Variants in RPRD2 observed in about 807,000 individuals in gnomAD.
RPRD2 encodes the protein regulation of nuclear pre-mRNA domain-containing protein 2.
A neutral mutation model predicts 104.4 loss-of-function variants in RPRD2; 12 were observed. The ratio of observed to expected loss-of-function variants is 0.11; its 90% CI spans 0.07 to 0.19. The LOEUF (loss-of-function observed/expected upper bound fraction) is 0.19. RPRD2 is among the 10% of genes least tolerant of loss of function. The pLI is 1.00. For missense variants in RPRD2, 1,543 were observed against 1,790.1 expected, an observed-to-expected ratio of 0.86 and a Z score of 2.49; for synonymous variants, 714 against 684.9, an observed-to-expected ratio of 1.04 and a Z score of -0.66.
At chr1:150,383,833 C>T (rs1434172754) in intron 1 of RPRD2, among the ~76,000 whole-genome samples, 3 of 152,186 alleles carry the variant, frequency 2.0e-5, no homozygotes, top group Non-Finnish European at 4.4e-5. Context: ...CTTCTGTCCT[C>T]TTAGGCTTCT....
At chr1:150,364,987 TGG>T in intron 1 of RPRD2, 68 bp downstream of exon 1, 2 of 1,524,250 alleles carry the variant, frequency 1.3e-6, no homozygotes, top group Non-Finnish European at 1.8e-6. Context: ...CTGAAACGCT[TGG>T]GGTTTTCCCA....
At chr1:150,450,442 T>A (rs1424382726) in intron 7 of RPRD2, among the ~76,000 whole-genome samples, 2 of 150,784 alleles carry the variant, frequency 1.3e-5, no homozygotes, top group Non-Finnish European at 3.0e-5. Flanking sequence ...CCGTCTCTAC[T>A]AAAAATTAAA....
chr1:150,379,649 G>A (rs889767739), intron 1 of RPRD2, among the ~76,000 whole-genome samples: 7 of 152,144 alleles, frequency 4.6e-5, no homozygotes, highest in African/African-American at 9.7e-5. Context: ...TGATCTGCCC[G>A]CCTCGGCCTC....
chr1:150,448,464 C>T (rs1373509810), intron 7 of RPRD2, among the ~76,000 whole-genome samples: 3 of 152,162 alleles, frequency 2.0e-5, no homozygotes, highest in Non-Finnish European at 4.4e-5. Flanking sequence ...CCACCACACC[C>T]AGCCAACTAT....
At chr1:150,402,955 C>T (rs1247609478) in intron 1 of RPRD2, among the ~76,000 whole-genome samples, 5 of 145,742 alleles carry the variant, frequency 3.4e-5, no homozygotes, top group East Asian at 4.0e-4. Context: ...GTAACAAGAG[C>T]GAAACTCTGC....
At position 150,435,998 on chromosome 1, in the gene RPRD2, T is replaced by A. The variant is rs1037768313; in HGVS notation, c.336-4925T>A. On this transcript the variant is annotated intron_variant, in intron 2 of 10. Transcript: ENST00000369068. Reference sequence around the variant, plus strand: ...ACAATTCTGAAAATCCTAGGGCTGTTAAAAATTATGCTAAATCTATTCTGT... The same window carrying A: ...ACAATTCTGAAAATCCTAGGGCTGTAAAAAATTATGCTAAATCTATTCTGT... Among the ~76,000 whole-genome samples the A allele has an allele frequency of 2.6e-5, 4 of 152,302 alleles. No homozygotes were observed. The East Asian group carries it at 7.7e-4, about 29-fold the overall frequency.
At chr1:150,470,464 C>G (rs1668517552) in intron 10 of RPRD2, 97 bp from the exon 11 acceptor site, 1 of 1,282,082 alleles carries the variant, frequency 7.8e-7, no homozygotes, top group African/African-American at 1.5e-5. Flanking sequence ...TATCTGGTTC[C>G]CACCAAAATG....
At chr1:150,403,919 C>T (rs1318633825) in intron 1 of RPRD2, among the ~76,000 whole-genome samples, 4 of 152,206 alleles carry the variant, frequency 2.6e-5, no homozygotes, top group African/African-American at 9.6e-5. Flanking sequence ...CAGGCATGAG[C>T]CACTGCTGCA....
At chr1:150,442,126 T>TTA (rs1452524012) in intron 4 of RPRD2, among the ~76,000 whole-genome samples, 168 bp downstream of exon 4, 9 of 126,532 alleles carry the variant, frequency 7.1e-5, no homozygotes, top group African/African-American at 2.1e-4. Context: ...GAGATACTTC[T>TTA]AAAAAAAAAA....
chr1:150,465,183 C>T (rs1293011763), intron 10 of RPRD2, among the ~76,000 whole-genome samples: 1 of 151,796 alleles, frequency 6.6e-6, no homozygotes, highest in Non-Finnish European at 1.5e-5. Flanking sequence ...GAATTTCACT[C>T]TTGTCGCCCA....
chr1:150,407,323 A>G (rs1413124262), intron 1 of RPRD2, among the ~76,000 whole-genome samples: 10 of 152,242 alleles, frequency 6.6e-5, no homozygotes, highest in Non-Finnish European at 1.3e-4. Context: ...TTTAAAAAAT[A>G]CATTATTTAG....
intron 1 of RPRD2, among the ~76,000 whole-genome samples, chr1:150,391,359 G>T (rs1391838018): frequency 1.3e-5 from 2 of 151,982 alleles, no homozygotes; most frequent in East Asian, 3.9e-4. Context: ...CTCATGTGTT[G>T]CCCAGGCTTA....
intron 2 of RPRD2, among the ~76,000 whole-genome samples, chr1:150,433,904 G>T (rs1553892582): frequency 9.3e-6 from 1 of 107,830 alleles, no homozygotes; most frequent in Non-Finnish European, 2.1e-5. Context: ...ATGTACATAT[G>T]TATGTATATA....
At chr1:150,381,027 GC>G (rs782295886) in intron 1 of RPRD2, among the ~76,000 whole-genome samples, 5 of 151,972 alleles carry the variant, frequency 3.3e-5, no homozygotes, top group Admixed American at 6.6e-5. Flanking sequence ...GAGACACATG[GC>G]CCCCCTCACC....
intron 2 of RPRD2, among the ~76,000 whole-genome samples, chr1:150,428,894 G>A (rs1268951281): frequency 2.6e-5 from 4 of 151,988 alleles, no homozygotes; most frequent in Non-Finnish European, 5.9e-5. Context: ...AGTAAGGGGG[G>A]GTGTCATTAG....
chr1:150,436,777 C>T (rs148258681), intron 2 of RPRD2, among the ~76,000 whole-genome samples: 2,320 of 151,570 alleles, frequency 0.015, 67 homozygotes, highest in African/African-American at 0.051. Context: ...TGGTGGCACA[C>T]GCCTGTAATA....
At chr1:150,432,578 T>A (rs587676710) in intron 2 of RPRD2, among the ~76,000 whole-genome samples, 12 of 144,426 alleles carry the variant, frequency 8.3e-5, no homozygotes, top group Non-Finnish European at 1.3e-4. Flanking sequence ...ATTTAATGGC[T>A]GAAATGGCAC....
At chr1:150,443,014 T>G (rs1666507854) in intron 4 of RPRD2, among the ~76,000 whole-genome samples, 1 of 152,078 alleles carries the variant, frequency 6.6e-6, no homozygotes, top group Non-Finnish European at 1.5e-5. Context: ...CTGTTGGAGG[T>G]AAGTAGGTTA....
intron 2 of RPRD2, among the ~76,000 whole-genome samples, chr1:150,438,135 CA>C (rs1666142127): frequency 1.3e-5 from 2 of 148,986 alleles, no homozygotes; most frequent in Non-Finnish European, 3.0e-5. Context: ...AATATATATA[CA>C]AAAATTAGCC....
Sources: gnomAD v4.1 joint callset for allele counts (sites outside exome capture counted in the v4.1 genomes callset) on GRCh38, gnomAD v4.1.1 for gene constraint, MANE v1.5 for transcripts, NCBI Gene and HGNC (gene_info 2026-07-23, HGNC 2026-07-21) for gene names.